Variants in KATNIP observed in about 807,000 individuals in gnomAD.
KATNIP encodes katanin interacting protein.
In KATNIP, 126 loss-of-function variants were observed where a neutral mutation model predicts 174.0. That is an observed-to-expected ratio of 0.72 (90% CI 0.63 to 0.84). The LOEUF (loss-of-function observed/expected upper bound fraction) is 0.84, where lower values mean the gene tolerates loss of function less well. Ranked by LOEUF, KATNIP falls within the 40% of genes least tolerant of loss-of-function variation. The probability of loss-of-function intolerance (pLI) is 0.00; values close to 1 mark genes in which losing one functional copy is unlikely to be tolerated. For missense variants in KATNIP, 1,958 were observed against 2,109.7 expected, an observed-to-expected ratio of 0.93 and a Z score of 1.41; for synonymous variants, 810 against 835.7, an observed-to-expected ratio of 0.97 and a Z score of 0.53.
At chr16:27,758,361 C>T (rs910736389) in intron 18 of KATNIP, among the ~76,000 whole-genome samples, 1 of 152,178 alleles carries the variant, frequency 6.6e-6, no homozygotes, top group African/African-American at 2.4e-5. Flanking sequence ...ATCTCTGAAA[C>T]AGATCCTGTA....
chr16:27,681,511 C>T lies in KATNIP; in HGVS notation c.921C>T (p.Asp307=). The change falls in exon 8 of 28, where the codon GAC becomes GAT. Residue 307 remains aspartate (D), a synonymous_variant. Transcript: ENST00000261588. ...CCCAAGCTCCTGCTGTATTCCCAGA[C>T]CAGGAGAGGATGTGCTCCAGTAAGA... is the stretch of plus-strand genomic sequence containing the variant. ...LTPQAPAVFP[D]QERMCSRPGS... 6.2e-7 allele frequency: 1 copy of T among 1,614,214 alleles called. No homozygotes were observed. The highest frequency in any genetic ancestry group is 1.1e-5 in the South Asian group (1 of 91,080).
chr16:27,724,012 C>A (rs184172893), intron 14 of KATNIP, among the ~76,000 whole-genome samples: 8 of 152,314 alleles, frequency 5.3e-5, no homozygotes, highest in Admixed American at 4.6e-4. Context: ...GATTTCTGAT[C>A]GTTGAGGTTG....
intron 2 of KATNIP, among the ~76,000 whole-genome samples, chr16:27,616,215 T>C (rs1159539511): frequency 1.3e-5 from 2 of 151,758 alleles, no homozygotes; most frequent in Non-Finnish European, 2.9e-5. Flanking sequence ...CTACTAAAAA[T>C]ATATAAATTA....
intron 5 of KATNIP, among the ~76,000 whole-genome samples, chr16:27,633,296 T>A (rs941818654): frequency 6.6e-6 from 1 of 152,020 alleles, no homozygotes; most frequent in African/African-American, 2.4e-5. Flanking sequence ...AAAATATAGA[T>A]GCTCAGGCCC....
rs2076399196 is a variant in KATNIP at position 27,628,662 on chromosome 16, A to T, written c.142A>T (p.Ile48Leu). ...AACAACCCACCGTTTCTCTTTCAGG[A>T]TATTAAAGCATTTGAAAAGCAAGGA... The part of the protein sequence containing the change: ...YLILLQQRNR[I>L]LKHLKSKDPV... Residue 48 changes from isoleucine (I) to leucine (L), a missense_variant and splice_region_variant, in exon 4 of 28, where the codon ATA (isoleucine) becomes TTA (leucine). By Grantham distance (5) the Ile-to-Leu change is conservative (BLOSUM62 2). This residue lies in a region of KATNIP where 1,557 missense variants were observed against 1,617.8 expected (regional missense o/e 0.96). Coordinates refer to ENST00000261588, the MANE Select transcript of KATNIP (RefSeq NM_015202.5). The T allele has an allele frequency of 1.2e-6, 2 of 1,614,118 alleles. No homozygotes were observed. Among genetic ancestry groups the T allele is most frequent in the Non-Finnish European group, 8.5e-7 (1 of 1,179,986 alleles).
chr16:27,691,654 G>A (rs893813385), intron 8 of KATNIP, among the ~76,000 whole-genome samples: 1 of 152,242 alleles, frequency 6.6e-6, no homozygotes, highest in Non-Finnish European at 1.5e-5. Context: ...GCCAGGATGG[G>A]AAAAGCTCTG....
intron 6 of KATNIP, among the ~76,000 whole-genome samples, chr16:27,661,424 C>T (rs1008026673): frequency 1.3e-5 from 2 of 152,042 alleles, no homozygotes; most frequent in Admixed American, 6.6e-5. Flanking sequence ...CAGAGTCTCA[C>T]TCTGTCGCCC....
chr16:27,571,414 G>A (rs893053734), intron 1 of KATNIP, among the ~76,000 whole-genome samples: 3 of 150,878 alleles, frequency 2.0e-5, no homozygotes, highest in African/African-American at 7.3e-5. Context: ...GAGATGAAAA[G>A]CAACCATAAA....
intron 19 of KATNIP, among the ~76,000 whole-genome samples, chr16:27,765,484 C>A (rs116157559): frequency 2.1e-4 from 32 of 152,294 alleles, no homozygotes; most frequent in African/African-American, 6.5e-4. Context: ...CCAGGCCATG[C>A]GGTCACAGAG....
chr16:27,636,380 A>G (rs1427247863), intron 5 of KATNIP, among the ~76,000 whole-genome samples: 1 of 152,004 alleles, frequency 6.6e-6, no homozygotes, highest in Non-Finnish European at 1.5e-5. Context: ...TTAGGCTATG[A>G]TTTCTCTTAT....
At chr16:27,579,544 A>T (rs2090617140) in intron 2 of KATNIP, among the ~76,000 whole-genome samples, 1 of 152,166 alleles carries the variant, frequency 6.6e-6, no homozygotes, top group South Asian at 2.1e-4. Flanking sequence ...AAGGCAGCAC[A>T]ATTAATTACA....
intron 14 of KATNIP, among the ~76,000 whole-genome samples, chr16:27,739,136 G>T (rs2081009291): frequency 6.6e-6 from 1 of 152,188 alleles, no homozygotes; most frequent in African/African-American, 2.4e-5. Flanking sequence ...AGACCCTGGT[G>T]GCCTGGGCAA....
chr16:27,686,542 G>A (rs1233283956), intron 8 of KATNIP, among the ~76,000 whole-genome samples: 1 of 152,064 alleles, frequency 6.6e-6, no homozygotes, highest in Non-Finnish European at 1.5e-5. Context: ...AACAATCTAT[G>A]CGTTTTAATG....
Position 27,572,774 on chromosome 16 carries a change from G to A in KATNIP, c.8-1127G>A, listed in dbSNP as rs139960314. Among the ~76,000 whole-genome samples the A allele has an allele frequency of 4.0e-3, 612 of 152,282 alleles. 8 individuals are homozygous for A. Among genetic ancestry groups the A allele is most frequent in the African/African-American group, 0.014 (578 of 41,544 alleles). On this transcript the variant is annotated intron_variant, in intron 1 of 27. Coordinates refer to ENST00000261588, the MANE Select transcript of KATNIP (RefSeq NM_015202.5). ...GAGCTGACCAGATAAACCAAAAGAT[G>A]TCTTCTCCCATACCATGATACTGTA...
At chr16:27,688,653 G>A (rs1371256877) in intron 8 of KATNIP, among the ~76,000 whole-genome samples, 2 of 152,232 alleles carry the variant, frequency 1.3e-5, no homozygotes, top group African/African-American at 4.8e-5. Context: ...GCTTCAGTGT[G>A]TCTGAGGTAG....
chr16:27,583,847 G>T (rs1291344722), intron 2 of KATNIP, among the ~76,000 whole-genome samples: 1 of 152,212 alleles, frequency 6.6e-6, no homozygotes, highest in Non-Finnish European at 1.5e-5. Flanking sequence ...TAGGTGCTCT[G>T]ACTTAGTCCC....
chr16:27,631,943 G>A (rs1196156942), intron 5 of KATNIP, among the ~76,000 whole-genome samples: 1 of 152,156 alleles, frequency 6.6e-6, no homozygotes, highest in Admixed American at 6.5e-5. Flanking sequence ...CATGTAACTC[G>A]TCTCCTTTGC....
chr16:27,710,214 G>A (rs1453941730), intron 13 of KATNIP, among the ~76,000 whole-genome samples: 1 of 152,106 alleles, frequency 6.6e-6, no homozygotes. Context: ...ACAAAAATTA[G>A]CCAGGCGTTG....
At position 27,617,267 on chromosome 16, in the gene KATNIP, A is replaced by G. The variant is rs375907779; in HGVS notation, c.64-1158A>G. 2.6e-5 allele frequency among the ~76,000 whole-genome samples: 4 copies of G among 152,142 alleles called. No individual in the cohort carries two copies. The East Asian group carries it at 5.8e-4, about 22-fold the overall frequency. On this transcript the variant is annotated intron_variant, in intron 2 of 27. Coordinates refer to ENST00000261588, the MANE Select transcript of KATNIP (RefSeq NM_015202.5). ...TGAATCCAGGGACTCAAATTATGTC[A>G]TTAGGAATCTGCCTCTGCATCTCTT...
Sources: gnomAD v4.1 joint callset for allele counts (sites outside exome capture counted in the v4.1 genomes callset) on GRCh38, gnomAD v4.1.1 for gene constraint, gnomAD v4.1.1 regional missense constraint, MANE v1.5 for transcripts, NCBI Gene and HGNC (gene_info 2026-07-23, HGNC 2026-07-21) for gene names.